The following MAPK4 variants were observed in gnomAD, a reference collection of about 807,000 sequenced individuals.
MAPK4 encodes mitogen-activated protein kinase 4.
A neutral mutation model predicts 47.7 loss-of-function variants in MAPK4; 22 were observed. That is an observed-to-expected ratio of 0.46 (90% CI 0.33 to 0.66). The LOEUF (loss-of-function observed/expected upper bound fraction) is 0.66, where lower values mean the gene tolerates loss of function less well. Among genes scored for constraint, MAPK4 ranks in the 30% least tolerant of loss-of-function variants. The probability of loss-of-function intolerance (pLI) is 0.02; values close to 1 mark genes in which losing one functional copy is unlikely to be tolerated. For synonymous variants in MAPK4, 390 were observed against 365.7 expected (o/e 1.07, Z -0.76); for missense variants, 736 against 831.7 (o/e 0.88, Z 1.42).
intron 2 of MAPK4, among the ~76,000 whole-genome samples, chr18:50,674,668 A>T (rs1339948201): frequency 6.6e-6 from 1 of 152,066 alleles, no homozygotes; most frequent in Non-Finnish European, 1.5e-5. Context: ...TCACCCAGCA[A>T]CCCAGGGAAG....
At chr18:50,609,378 G>T (rs1291318071) in intron 1 of MAPK4, among the ~76,000 whole-genome samples, 1 of 151,114 alleles carries the variant, frequency 6.6e-6, no homozygotes, top group Non-Finnish European at 1.5e-5. Flanking sequence ...GCGGCTGGCC[G>T]GGCGGGGGCT....
intron 4 of MAPK4, among the ~76,000 whole-genome samples, chr18:50,723,032 G>A (rs1016853795): frequency 4.6e-5 from 7 of 152,284 alleles, no homozygotes; most frequent in Admixed American, 2.6e-4. Context: ...TCTGAGGGGC[G>A]GTGGCTTAGG....
chr18:50,700,647 T>C (rs1180290713), intron 2 of MAPK4, among the ~76,000 whole-genome samples: 4 of 152,214 alleles, frequency 2.6e-5, no homozygotes, highest in Admixed American at 6.5e-5. Context: ...CTCCTGTGCC[T>C]CTTCCCCTCC....
At chr18:50,728,685 C>G (rs1911336240) in intron 5 of MAPK4, among the ~76,000 whole-genome samples, 1 of 152,204 alleles carries the variant, frequency 6.6e-6, no homozygotes, top group African/African-American at 2.4e-5. Context: ...GTCCAATGCC[C>G]AGCAGCATCA....
chr18:50,642,691 T>C (rs140612607), intron 1 of MAPK4, among the ~76,000 whole-genome samples: 400 of 152,304 alleles, frequency 2.6e-3, no homozygotes, highest in Middle Eastern at 0.014. Context: ...CTTGTTCAGA[T>C]ATGCCACAGG....
intron 4 of MAPK4, 23 bp from the exon 5 acceptor site, chr18:50,725,939 A>C: frequency 6.2e-7 from 1 of 1,603,208 alleles, no homozygotes; most frequent in East Asian, 2.2e-5. Context: ...AATGACCTTC[A>C]TGTCCGGCTT....
chr18:50,606,195 G>T (rs901113680), intron 1 of MAPK4, among the ~76,000 whole-genome samples: 1 of 152,086 alleles, frequency 6.6e-6, no homozygotes, highest in African/African-American at 2.4e-5. Flanking sequence ...TTGTGGACAT[G>T]GTCTTAGTTT....
intron 1 of MAPK4, among the ~76,000 whole-genome samples, chr18:50,590,178 T>G (rs890213886): frequency 2.0e-5 from 3 of 152,234 alleles, no homozygotes; most frequent in Non-Finnish European, 4.4e-5. Context: ...TGACTAGCTG[T>G]GATGAGGAAG....
chr18:50,729,735 C>T lies in MAPK4; in HGVS notation c.1645C>T (p.Leu549Phe). The T allele has an allele frequency of 1.3e-6, 2 of 1,599,380 alleles. No homozygotes were observed. The highest frequency in any genetic ancestry group is 1.7e-6 in the Non-Finnish European group (2 of 1,174,460). Residue 549 changes from leucine (L) to phenylalanine (F), a missense_variant, in exon 6 of 6, where the codon CTC becomes TTC. Coordinates refer to ENST00000400384, the MANE Select transcript of MAPK4 (RefSeq NM_002747.4). Reference sequence around the variant, plus strand: ...CGTGTTCATCTCCCGCGCCCTGAAGCTCTGCACCAAGCCCGAGGACCTGCC... The same window carrying T: ...CGTGTTCATCTCCCGCGCCCTGAAGTTCTGCACCAAGCCCGAGGACCTGCC... ...LDVFISRALK[L>F]CTKPEDLPDN...
chr18:50,606,810 A>G (rs1436093073), intron 1 of MAPK4, among the ~76,000 whole-genome samples: 1 of 152,220 alleles, frequency 6.6e-6, no homozygotes, highest in Non-Finnish European at 1.5e-5. Context: ...AAAAACAGGC[A>G]GCTGTCCAAT....
chr18:50,665,095 G>A (rs1281742687), intron 2 of MAPK4, among the ~76,000 whole-genome samples: 3 of 152,214 alleles, frequency 2.0e-5, no homozygotes, highest in Non-Finnish European at 4.4e-5. Flanking sequence ...GCTTCTCAGT[G>A]TGATGTGAAA....
chr18:50,692,833 T>C (rs1909300396), intron 2 of MAPK4, among the ~76,000 whole-genome samples: 1 of 151,884 alleles, frequency 6.6e-6, no homozygotes, highest in South Asian at 2.1e-4. Flanking sequence ...GAACACCGAG[T>C]TAGGAATGGT....
Position 50,664,514 on chromosome 18 carries a change from G to A in MAPK4, c.546+10G>A, listed in dbSNP as rs1568070510. On this transcript the variant is annotated intron_variant, in intron 2 of 5. Transcript: ENST00000400384. The surrounding 1 kb of genome is among the most constrained non-coding windows in gnomAD (Gnocchi z 6.0). ...GCATTACTCCCACAAGGTATGTCTG[G>A]CTGGAATGGCGGATACTGGTGGTCC... The A allele has an allele frequency of 1.9e-6, 3 of 1,569,440 alleles. No homozygotes were observed. The highest frequency in any genetic ancestry group is 2.6e-6 in the Non-Finnish European group (3 of 1,154,214).
intron 1 of MAPK4, among the ~76,000 whole-genome samples, chr18:50,562,866 G>A (rs574961528): frequency 6.6e-5 from 10 of 152,204 alleles, no homozygotes; most frequent in South Asian, 2.1e-4. Context: ...ATTCCTCCTG[G>A]AATTTGACAT....
chr18:50,675,096 G>A (rs1305688468), intron 2 of MAPK4, among the ~76,000 whole-genome samples: 1 of 152,102 alleles, frequency 6.6e-6, no homozygotes, highest in Non-Finnish European at 1.5e-5. Context: ...TGCTGTTGTT[G>A]CCCCCATTGT....
intron 1 of MAPK4, among the ~76,000 whole-genome samples, chr18:50,647,486 C>T (rs551479706): frequency 4.6e-5 from 7 of 152,278 alleles, no homozygotes; most frequent in South Asian, 2.1e-4. Flanking sequence ...GAGGGAGGGG[C>T]ATGCAGTTGC....
chr18:50,704,473 C>T, intron 2 of MAPK4: 1 of 398,006 alleles, frequency 2.5e-6, no homozygotes, highest in Non-Finnish European at 4.4e-6. Context: ...AAAGTGAGAC[C>T]CTGTCTCCAA....
Position 50,678,902 on chromosome 18 carries a change from G to A in MAPK4, c.546+14398G>A, listed in dbSNP as rs1381682628. Among the ~76,000 whole-genome samples the A allele has an allele frequency of 6.6e-6, 1 of 152,124 alleles. No individual in the cohort carries two copies. Among genetic ancestry groups the A allele is most frequent in the Non-Finnish European group, 1.5e-5 (1 of 68,028 alleles). ...ACGGCCAGCAGGTTTTCTGGGGTAT[G>A]GGAGACTTGAGGGTATGGTCATGAA... is the stretch of plus-strand genomic sequence containing the variant. On this transcript the variant is annotated intron_variant, in intron 2 of 5. Transcript: ENST00000400384. This position sits in a 1 kb window ranked among gnomAD's most constrained non-coding sequence, Gnocchi z 4.2.
At chr18:50,673,700 C>T (rs1908097613) in intron 2 of MAPK4, among the ~76,000 whole-genome samples, 1 of 151,780 alleles carries the variant, frequency 6.6e-6, no homozygotes, top group Admixed American at 6.6e-5. Flanking sequence ...ACTAAAAATA[C>T]AAAAAATTAG....
Sources: gnomAD v4.1 joint callset for allele counts (sites outside exome capture counted in the v4.1 genomes callset) on GRCh38, gnomAD v4.1.1 for gene constraint, Gnocchi (gnomAD v3.1) non-coding constraint, MANE v1.5 for transcripts, NCBI Gene and HGNC (gene_info 2026-07-23, HGNC 2026-07-21) for gene names.